FSTL4: variants seen among roughly 807,000 people sequenced by gnomAD.
The protein encoded by FSTL4 is follistatin like 4, also known as follistatin-related protein 4.
Under a neutral mutation model 78.2 loss-of-function variants are expected in FSTL4, and 28 were observed. The ratio of observed to expected loss-of-function variants is 0.36; its 90% CI spans 0.27 to 0.49. The LOEUF is 0.49. Among genes scored for constraint, FSTL4 ranks in the 20% least tolerant of loss-of-function variants. The probability of loss-of-function intolerance (pLI) is 0.98; values close to 1 mark genes in which losing one functional copy is unlikely to be tolerated. For missense variants in FSTL4, 922 were observed against 1,084.9 expected (o/e 0.85, Z 2.11); for synonymous variants, 422 against 440.5 (o/e 0.96, Z 0.53).
intron 3 of FSTL4, among the ~76,000 whole-genome samples, chr5:133,495,257 A>C (rs752577302): frequency 2.0e-5 from 3 of 152,152 alleles, no homozygotes; most frequent in Admixed American, 1.3e-4. Flanking sequence ...GGCTGGGTGG[A>C]TAAGTGGGTA....
At chr5:133,836,268 G>A in the FSTL4 span, among the ~76,000 whole-genome samples, 2 of 152,014 alleles carry the variant, frequency 1.3e-5, no homozygotes, top group African/African-American at 4.8e-5. Context: ...TTTGGATCAA[G>A]TATTTTCACT....
At chr5:133,770,650 G>A in the FSTL4 span, among the ~76,000 whole-genome samples, 3 of 152,046 alleles carry the variant, frequency 2.0e-5, no homozygotes, top group African/African-American at 2.4e-5. Context: ...TGCAAATATT[G>A]TTTCCCATTC....
At chr5:133,254,677 C>T (rs1178791892) in intron 6 of FSTL4, among the ~76,000 whole-genome samples, 1 of 152,200 alleles carries the variant, frequency 6.6e-6, no homozygotes, top group Non-Finnish European at 1.5e-5. Context: ...CGGTAAGAAT[C>T]GTCAGAACTG....
At chr5:133,358,748 C>A (rs1300939218) in intron 4 of FSTL4, among the ~76,000 whole-genome samples, 1 of 151,840 alleles carries the variant, frequency 6.6e-6, no homozygotes, top group East Asian at 1.9e-4. Context: ...TACAGGCGCC[C>A]GCCACCACAC....
chr5:133,296,509 C>G (rs1382644917), intron 6 of FSTL4, among the ~76,000 whole-genome samples: 7 of 152,150 alleles, frequency 4.6e-5, no homozygotes, highest in Non-Finnish European at 7.4e-5. Context: ...TTGACCCTGC[C>G]CCCAGCTTCC....
chr5:133,525,843 T>C (rs1759085441), intron 3 of FSTL4, among the ~76,000 whole-genome samples: 1 of 152,188 alleles, frequency 6.6e-6, no homozygotes, highest in Admixed American at 6.5e-5. Flanking sequence ...CTAGACTGAC[T>C]CCTGAAGCCC....
intron 6 of FSTL4, among the ~76,000 whole-genome samples, chr5:133,297,650 C>T (rs1753431044): frequency 1.3e-5 from 2 of 152,228 alleles, no homozygotes; most frequent in Admixed American, 1.3e-4. Context: ...CCACAGCCTC[C>T]TGCTCCCTGC....
At chr5:133,559,642 C>T (rs1221497776) in intron 3 of FSTL4, among the ~76,000 whole-genome samples, 3 of 152,180 alleles carry the variant, frequency 2.0e-5, no homozygotes, top group Non-Finnish European at 4.4e-5. Context: ...CCAAATATTG[C>T]AATGCAACCT....
At chr5:133,271,197 C>T (rs1752757781) in intron 6 of FSTL4, among the ~76,000 whole-genome samples, 2 of 152,122 alleles carry the variant, frequency 1.3e-5, no homozygotes, top group Admixed American at 1.3e-4. Context: ...ATCTAGTGCC[C>T]CTGGTAGGTG....
intron 7 of FSTL4, among the ~76,000 whole-genome samples, chr5:133,243,092 T>C (rs942966116): frequency 3.9e-5 from 6 of 152,222 alleles, no homozygotes; most frequent in African/African-American, 9.7e-5. Flanking sequence ...TTTTATACCA[T>C]TTAGGTATGG....
chr5:133,454,551 T>G (rs953050405), intron 3 of FSTL4, among the ~76,000 whole-genome samples: 3 of 152,194 alleles, frequency 2.0e-5, no homozygotes, highest in African/African-American at 7.2e-5. Context: ...TGCCTGGACA[T>G]AGAAACTATT....
In FSTL4 at chr5:133,612,014, G is replaced by A. The variant is rs1045631813; in HGVS notation, c.-11+311C>T. On this transcript the variant is annotated intron_variant, in intron 1 of 15. Transcript: ENST00000265342. The surrounding 1 kb of genome is among the most constrained non-coding windows in gnomAD (Gnocchi z 6.2). ...CCCGAGCGCTTCTGCGTGGCGCCCC[G>A]CGTGCCAACCGGGTCACTCCGGTCC... Among the ~76,000 whole-genome samples the A allele has an allele frequency of 1.6e-4, 25 of 152,026 alleles. No individual in the cohort carries two copies. The highest frequency in any genetic ancestry group is 3.1e-4 in the Non-Finnish European group (21 of 67,934).
chr5:133,279,908 T>C (rs979079581), intron 6 of FSTL4, among the ~76,000 whole-genome samples: 7 of 152,154 alleles, frequency 4.6e-5, no homozygotes, highest in Non-Finnish European at 8.8e-5. Context: ...GGAGAAGACA[T>C]GGGGGACAAA....
the FSTL4 span, among the ~76,000 whole-genome samples, chr5:133,644,693 G>A: frequency 7.9e-5 from 12 of 152,116 alleles, no homozygotes; most frequent in Non-Finnish European, 1.8e-4. Context: ...GGCATTGCTG[G>A]GAACCTGTTC....
At chr5:133,465,758 GA>G (rs912590747) in intron 3 of FSTL4, among the ~76,000 whole-genome samples, 10 of 152,376 alleles carry the variant, frequency 6.6e-5, no homozygotes, top group Admixed American at 5.9e-4. Context: ...AGCCTGAACA[GA>G]GGGTCAGTGC....
the FSTL4 span, among the ~76,000 whole-genome samples, chr5:133,733,149 G>C: frequency 6.6e-6 from 1 of 152,112 alleles, no homozygotes; most frequent in South Asian, 2.1e-4. Context: ...CTGAACTTTT[G>C]TACATAGGAA....
In FSTL4 at chr5:133,360,471, TA is replaced by T. The variant is rs1755043275; in HGVS notation, c.409+40266del. On this transcript the variant is annotated intron_variant, in intron 4 of 15. Coordinates refer to ENST00000265342, the MANE Select transcript of FSTL4 (RefSeq NM_015082.2). ...TCTCTTAGAGTTTGTTTTCAGGCAATAATTTTTTTTTTTTTTTTTTTTTTGC... is the reference window on the plus strand; with the variant it reads ...TCTCTTAGAGTTTGTTTTCAGGCAATATTTTTTTTTTTTTTTTTTTTTTGC... Among the ~76,000 whole-genome samples the T allele has an allele frequency of 4.4e-5, 5 of 112,724 alleles. No homozygotes were observed. The Admixed American group carries it at 4.9e-4, about 11-fold the overall frequency. The allele number at this position is 112,724 out of a possible 152,430, so 74.0% of individuals were successfully genotyped here.
the FSTL4 span, among the ~76,000 whole-genome samples, chr5:133,802,761 G>C: frequency 6.6e-6 from 1 of 152,222 alleles, no homozygotes; most frequent in East Asian, 1.9e-4. Flanking sequence ...TTGTGGTCCT[G>C]TGGGACTACC....
chr5:133,779,178 CCCCTCCTAGTTCAAG>C, the FSTL4 span, among the ~76,000 whole-genome samples: 1 of 152,178 alleles, frequency 6.6e-6, no homozygotes, highest in African/African-American at 2.4e-5. Flanking sequence ...CTCCTTGGCT[CCCCTCCTAGTTCAAG>C]CCCATCCTCT....
Sources: gnomAD v4.1 joint callset for allele counts (sites outside exome capture counted in the v4.1 genomes callset) on GRCh38, gnomAD v4.1.1 for gene constraint, Gnocchi (gnomAD v3.1) non-coding constraint, MANE v1.5 for transcripts, NCBI Gene and HGNC (gene_info 2026-07-23, HGNC 2026-07-21) for gene names.